RGS7BP: variants seen among roughly 807,000 people sequenced by gnomAD.
RGS7BP encodes regulator of G protein signaling 7 binding protein.
A neutral mutation model predicts 31.3 loss-of-function variants in RGS7BP; 9 were observed. The ratio of observed to expected loss-of-function variants is 0.29; its 90% CI spans 0.17 to 0.50. The LOEUF (loss-of-function observed/expected upper bound fraction) is 0.50, where lower values mean the gene tolerates loss of function less well. RGS7BP is among the 20% of genes least tolerant of loss of function. The pLI, the probability that RGS7BP is intolerant of heterozygous loss-of-function variation, is 0.98. For synonymous variants in RGS7BP, 115 were observed against 120.1 expected, an observed-to-expected ratio of 0.96 and a Z score of 0.28; for missense variants, 274 against 322.0, an observed-to-expected ratio of 0.85 and a Z score of 1.14.
intron 5 of RGS7BP, among the ~76,000 whole-genome samples, chr5:64,603,180 A>G (rs766265569): frequency 7.2e-5 from 11 of 152,100 alleles, no homozygotes; most frequent in Non-Finnish European, 1.3e-4. Context: ...TTAAGATCTC[A>G]CCTAAAGTCA....
intron 2 of RGS7BP, among the ~76,000 whole-genome samples, chr5:64,529,844 A>C (rs1479837053): frequency 2.0e-5 from 3 of 152,172 alleles, no homozygotes; most frequent in Non-Finnish European, 4.4e-5. Context: ...CAGTTTTCAC[A>C]ACCTTCCTTT....
intron 2 of RGS7BP, among the ~76,000 whole-genome samples, chr5:64,515,008 A>T (rs1748937391): frequency 6.6e-6 from 1 of 152,178 alleles, no homozygotes; most frequent in African/African-American, 2.4e-5. Flanking sequence ...TTAGAGAGAA[A>T]ATTAAATCTA....
intron 4 of RGS7BP, 141 bp from the exon 5 acceptor site, chr5:64,598,224 T>G (rs1034113445): frequency 1.7e-6 from 1 of 595,158 alleles, no homozygotes. Flanking sequence ...CAAAATAAAT[T>G]CAATATTTGC....
intron 5 of RGS7BP, 133 bp downstream of exon 5, chr5:64,598,568 A>C: frequency 4.3e-6 from 3 of 695,170 alleles, no homozygotes; most frequent in Non-Finnish European, 7.8e-6. Context: ...GTCTTTCCTC[A>C]AGAAGATATC....
chr5:64,537,086 G>A (rs1741394397), intron 2 of RGS7BP, among the ~76,000 whole-genome samples: 2 of 152,280 alleles, frequency 1.3e-5, no homozygotes, highest in South Asian at 2.1e-4. Flanking sequence ...AAGATCAAGT[G>A]GAGATGATGT....
At chr5:64,596,891 G>A (rs1302574198) in intron 4 of RGS7BP, among the ~76,000 whole-genome samples, 2 of 152,174 alleles carry the variant, frequency 1.3e-5, no homozygotes, top group African/African-American at 2.4e-5. Flanking sequence ...GAACTGTGGT[G>A]TTTTGTGAAA....
intron 2 of RGS7BP, among the ~76,000 whole-genome samples, chr5:64,510,795 T>C (rs1291132032): frequency 6.6e-6 from 1 of 152,246 alleles, no homozygotes; most frequent in Non-Finnish European, 1.5e-5. Context: ...ATGTAGCTTT[T>C]AATGAAGGGG....
chr5:64,583,795 T>C (rs926942303), intron 3 of RGS7BP, among the ~76,000 whole-genome samples: 1 of 152,234 alleles, frequency 6.6e-6, no homozygotes, highest in Non-Finnish European at 1.5e-5. Context: ...CCAAGGATAA[T>C]CTAAAGCCTT....
intron 2 of RGS7BP, among the ~76,000 whole-genome samples, chr5:64,543,858 C>T (rs1741585506): frequency 6.6e-6 from 1 of 152,224 alleles, no homozygotes; most frequent in Non-Finnish European, 1.5e-5. Flanking sequence ...GGCCATTAAA[C>T]TGTAGACTTC....
intron 2 of RGS7BP, among the ~76,000 whole-genome samples, chr5:64,562,749 C>T (rs546561152): frequency 1.3e-5 from 2 of 152,114 alleles, no homozygotes; most frequent in East Asian, 1.9e-4. Flanking sequence ...AGCACAACAC[C>T]GTTTCCAACA....
At chr5:64,607,079 A>G (rs1743383403) in intron 5 of RGS7BP, among the ~76,000 whole-genome samples, 1 of 152,082 alleles carries the variant, frequency 6.6e-6, no homozygotes. Flanking sequence ...TATATAACAT[A>G]GTGCAACATT....
At chr5:64,514,014 G>T (rs1748908935) in intron 2 of RGS7BP, among the ~76,000 whole-genome samples, 1 of 152,134 alleles carries the variant, frequency 6.6e-6, no homozygotes, top group Admixed American at 6.5e-5. Flanking sequence ...CAGCAGGGTT[G>T]GTTCCCTCTG....
chr5:64,551,251 ATTTATTT>A (rs1741786878), intron 2 of RGS7BP, among the ~76,000 whole-genome samples: 2 of 149,048 alleles, frequency 1.3e-5, no homozygotes, highest in African/African-American at 5.0e-5. Context: ...TTATTTTTTT[ATTTATTT>A]TTTATTTTAT....
intron 2 of RGS7BP, among the ~76,000 whole-genome samples, chr5:64,535,629 G>A (rs1340681267): frequency 6.6e-6 from 1 of 152,216 alleles, no homozygotes; most frequent in East Asian, 1.9e-4. Context: ...ATTTTAAGTA[G>A]CACAAAGTAA....
rs149120939 is a variant in RGS7BP at position 64,583,368 on chromosome 5, G to A, written c.463+7464G>A. 3.0e-3 allele frequency among the ~76,000 whole-genome samples: 454 copies of A among 152,202 alleles called. 2 individuals carry two copies. Among genetic ancestry groups the A allele is most frequent in the African/African-American group, 8.9e-3 (370 of 41,526 alleles). On this transcript the variant is annotated intron_variant, in intron 3 of 5. Coordinates refer to ENST00000334025, the MANE Select transcript of RGS7BP (RefSeq NM_001029875.3). ...GACGCCACTGCACTCCAGCCTGGGC[G>A]ACAGAGCAAGACTCCATCTCCCCAG...
intron 2 of RGS7BP, among the ~76,000 whole-genome samples, chr5:64,511,329 G>A (rs185646187): frequency 2.7e-3 from 405 of 152,298 alleles, no homozygotes; most frequent in African/African-American, 8.9e-3. Flanking sequence ...CTGCATTCTG[G>A]ACAGACCCAG....
At chr5:64,527,666 A>C (rs1178392020) in intron 2 of RGS7BP, among the ~76,000 whole-genome samples, 1 of 151,486 alleles carries the variant, frequency 6.6e-6, no homozygotes, top group African/African-American at 2.4e-5. Context: ...AATATCCAAC[A>C]GAGGATTAAT....
At chr5:64,524,097 G>C (rs1469336067) in intron 2 of RGS7BP, among the ~76,000 whole-genome samples, 1 of 152,144 alleles carries the variant, frequency 6.6e-6, no homozygotes, top group Non-Finnish European at 1.5e-5. Flanking sequence ...TAGCTGGTAG[G>C]ATTTAACTGT....
chr5:64,551,212 A>G (rs1453003460), intron 2 of RGS7BP, among the ~76,000 whole-genome samples: 1 of 151,334 alleles, frequency 6.6e-6, no homozygotes, highest in Non-Finnish European at 1.5e-5. Context: ...TACTGTCTAT[A>G]GAAGCATCCT....
Sources: allele counts gnomAD v4.1 joint callset (sites outside exome capture counted in the v4.1 genomes callset), GRCh38; gene constraint gnomAD v4.1.1; transcripts MANE v1.5; gene names NCBI Gene and HGNC (gene_info 2026-07-23, HGNC 2026-07-21).